NXPE3: variants seen among roughly 807,000 people sequenced by gnomAD.
NXPE3 encodes the protein NXPE family member 3.
NXPE3 carries 26 observed loss-of-function variants against 46.1 expected under a neutral mutation model. The ratio of observed to expected loss-of-function variants is 0.56; its 90% CI spans 0.41 to 0.78. The LOEUF is 0.78. Among genes scored for constraint, NXPE3 ranks in the 30% least tolerant of loss-of-function variants. The pLI, the probability that NXPE3 is intolerant of heterozygous loss-of-function variation, is 0.00. For synonymous variants in NXPE3, 272 were observed against 257.9 expected (o/e 1.05, Z -0.52); for missense variants, 620 against 686.0 (o/e 0.90, Z 1.07).
intron 4 of NXPE3, among the ~76,000 whole-genome samples, chr3:101,800,970 C>T (rs1941107646): frequency 6.6e-6 from 1 of 152,034 alleles, no homozygotes; most frequent in South Asian, 2.1e-4. Flanking sequence ...GATAAAACTC[C>T]AATAGGCTAG....
Position 101,822,163 on chromosome 3 carries a change from C to T in NXPE3, c.*209C>T, listed in dbSNP as rs1458373020. On this transcript the variant is annotated 3_prime_UTR_variant, in exon 8 of 8. Transcript: ENST00000273347. The stretch of plus-strand genomic sequence containing the variant: ...AGGATTTTATCCAATGTTGACTTAG[C>T]CATGGTAGAACTCTTAACTGCATCT... 6 of 496,006 alleles carry T rather than the reference C, an allele frequency of 1.2e-5. No individual in the cohort carries two copies. The highest frequency in any genetic ancestry group is 3.9e-5 in the African/African-American group (2 of 51,902). The allele number at this position is 496,006 out of a possible 1,614,324, so 30.7% of individuals were successfully genotyped here. A position where few individuals can be genotyped will look rare whatever the true frequency, so the allele number is the denominator to read the frequency against.
At position 101,782,958 on chromosome 3, in the gene NXPE3, C is replaced by G. The variant is rs189513612; in HGVS notation, c.-196+178C>G. On this transcript the variant is annotated intron_variant, in intron 3 of 7. Coordinates refer to ENST00000273347, the MANE Select transcript of NXPE3 (RefSeq NM_145037.4). ...CCACCATGCCTGGCCCAGCTTTATTCTTTGTATTTGTGATTTTTATTTCCT... is the reference window on the plus strand; with the variant it reads ...CCACCATGCCTGGCCCAGCTTTATTGTTTGTATTTGTGATTTTTATTTCCT... 1.8e-3 allele frequency among the ~76,000 whole-genome samples: 276 copies of G among 152,170 alleles called. 4 individuals carry two copies. Among genetic ancestry groups the G allele is most frequent in the African/African-American group, 6.5e-3 (270 of 41,528 alleles).
At chr3:101,809,844 T>G (rs1334740036) in intron 6 of NXPE3, among the ~76,000 whole-genome samples, 1 of 152,200 alleles carries the variant, frequency 6.6e-6, no homozygotes, top group Non-Finnish European at 1.5e-5. Context: ...TTTGAGCACT[T>G]CCTTAGTTTC....
At chr3:101,805,686 C>T (rs967849227) in intron 5 of NXPE3, among the ~76,000 whole-genome samples, 9 of 152,076 alleles carry the variant, frequency 5.9e-5, no homozygotes, top group African/African-American at 2.2e-4. Context: ...GGATATCTGC[C>T]CGTCTTGGCC....
Position 101,801,653 on chromosome 3 carries a change from T to C in NXPE3, c.512T>C (p.Val171Ala). 1 of 1,614,198 alleles carries C rather than the reference T, an allele frequency of 6.2e-7. No homozygotes were observed. Among genetic ancestry groups the C allele is most frequent in the Non-Finnish European group, 8.5e-7 (1 of 1,180,024 alleles). Residue 171 changes from valine to alanine, a missense_variant, in exon 5 of 8, where the codon GTT (valine) becomes GCT (alanine). Around this residue, in one of 3 missense-constraint regions of NXPE3, gnomAD observed 511 missense variants for 528.6 expected, o/e 0.97. Transcript: ENST00000273347. ...VVDYQNGFYK[V>A]FFTLLWPGKV... The stretch of plus-strand genomic sequence containing the variant: ...GATTACCAGAATGGGTTTTACAAGG[T>C]TTTCTTTACTTTGCTATGGCCAGGC...
At chr3:101,816,712 T>C in intron 6 of NXPE3, 83 bp from the exon 7 acceptor site, 1 of 1,033,748 alleles carries the variant, frequency 9.7e-7, no homozygotes, top group Non-Finnish European at 1.4e-6. Context: ...AACAAATACA[T>C]GGGCATAATT....
chr3:101,780,432 G>T (rs1939747761), intron 1 of NXPE3, among the ~76,000 whole-genome samples: 1 of 152,144 alleles, frequency 6.6e-6, no homozygotes, highest in East Asian at 1.9e-4. Context: ...GTCCTGACCT[G>T]ACAATTTAAG....
intron 4 of NXPE3, among the ~76,000 whole-genome samples, chr3:101,798,888 AG>A (rs1940991620): frequency 6.6e-6 from 1 of 152,004 alleles, no homozygotes; most frequent in South Asian, 2.1e-4. Flanking sequence ...CCAAAGTGCT[AG>A]GATTACAGGC....
chr3:101,802,712 G>A (rs1217707199), intron 5 of NXPE3, among the ~76,000 whole-genome samples: 1 of 151,882 alleles, frequency 6.6e-6, no homozygotes, highest in African/African-American at 2.4e-5. Context: ...GCAGTATTGT[G>A]TTCAAATTTC....
chr3:101,816,370 C>T (rs934031372), intron 6 of NXPE3, among the ~76,000 whole-genome samples: 3 of 151,914 alleles, frequency 2.0e-5, no homozygotes, highest in African/African-American at 4.8e-5. Flanking sequence ...ACCTGTCAAC[C>T]CATCATCTAG....
rs925082071 is a variant in NXPE3, at chr3:101,787,308, T to G, written c.93+1619T>G. On this transcript the variant is annotated intron_variant, in intron 4 of 7. Transcript: ENST00000273347. The stretch of plus-strand genomic sequence containing the variant: ...AATCATATGATATTTGTCCTTTTTT[T>G]GTTTGTTTGTTTGTTTGAGACAGAG... Among the ~76,000 whole-genome samples, 4 of 152,274 alleles carry G rather than the reference T, an allele frequency of 2.6e-5. No homozygotes were observed. In the East Asian group the frequency reaches 7.7e-4, roughly 29 times the overall value.
rs541186867 is a variant in NXPE3 at position 101,790,792 on chromosome 3, C to T, written c.93+5103C>T. Among the ~76,000 whole-genome samples, 7 of 152,000 alleles carry T rather than the reference C, an allele frequency of 4.6e-5. No individual in the cohort carries two copies. In the East Asian group the frequency reaches 7.7e-4, roughly 17 times the overall value. ...TATTTTCTTTTTAGATACGGGGTTT[C>T]GCCACATTGCCCAGGCTGGTCTTGC... On this transcript the variant is annotated intron_variant, in intron 4 of 7. Transcript: ENST00000273347.
rs151220139 is a variant in NXPE3, at chr3:101,779,238, G to C, written c.-584G>C. 1 of 152,272 alleles carries C rather than the reference G, an allele frequency of 6.6e-6. No homozygotes were observed. The highest frequency in any genetic ancestry group is 2.4e-5 in the African/African-American group (1 of 41,434). The allele number at this position is 152,272 out of a possible 1,614,324, so 9.4% of individuals were successfully genotyped here. A position where few individuals can be genotyped will look rare whatever the true frequency, so the allele number is the denominator to read the frequency against. On this transcript the variant is annotated 5_prime_UTR_variant, in exon 1 of 8. Transcript: ENST00000273347. ...GGAGACGTCGCCGGGTGAGGAAGCG[G>C]GGGGCTAGCGGCCTGGCGCTGCGGC...
In NXPE3 at chr3:101,806,690, A is replaced by G. The variant is rs140035972; in HGVS notation, c.849-363A>G. ...TGATACATGACTTAATGCAGCGTATACTTGCAGCCTGAAAACTAAGTAATG... is the reference window on the plus strand; with the variant it reads ...TGATACATGACTTAATGCAGCGTATGCTTGCAGCCTGAAAACTAAGTAATG... On this transcript the variant is annotated intron_variant, in intron 5 of 7. Transcript: ENST00000273347. Among the ~76,000 whole-genome samples, 864 of 152,316 alleles carry G rather than the reference A, an allele frequency of 5.7e-3. 8 individuals carry two copies. The highest frequency in any genetic ancestry group is 0.02 in the African/African-American group (830 of 41,560).
At chr3:101,786,379 T>C (rs1236718781) in intron 4 of NXPE3, among the ~76,000 whole-genome samples, 1 of 152,246 alleles carries the variant, frequency 6.6e-6, no homozygotes, top group Non-Finnish European at 1.5e-5. Context: ...TTGGGTTTTA[T>C]TAGCCTAAGG....
At chr3:101,809,566 C>G (rs749245862) in intron 6 of NXPE3, among the ~76,000 whole-genome samples, 10 of 152,140 alleles carry the variant, frequency 6.6e-5, no homozygotes, top group South Asian at 4.1e-4. Flanking sequence ...TTTAATGTCT[C>G]TCATTCTTTC....
Position 101,797,219 on chromosome 3 carries a change from G to T in NXPE3, c.94-4016G>T, listed in dbSNP as rs549290326. Among the ~76,000 whole-genome samples, 19 of 151,942 alleles carry T rather than the reference G, an allele frequency of 1.3e-4. 1 individual carries two copies. The highest frequency in any genetic ancestry group is 4.6e-4 in the African/African-American group (19 of 41,418). ...GTAGTTGCTTATTTTTAATTATTTG[G>T]GTAGTTAGCACTAATTATACATTAC... On this transcript the variant is annotated intron_variant, in intron 4 of 7. Coordinates refer to ENST00000273347, the MANE Select transcript of NXPE3 (RefSeq NM_145037.4).
intron 4 of NXPE3, among the ~76,000 whole-genome samples, chr3:101,799,531 G>A (rs1375889868): frequency 6.6e-6 from 1 of 151,804 alleles, no homozygotes; most frequent in African/African-American, 2.4e-5. Context: ...GGTTCAAGCA[G>A]TTCTCTCCCT....
intron 4 of NXPE3, among the ~76,000 whole-genome samples, chr3:101,794,820 T>C (rs142223966): frequency 6.6e-6 from 1 of 152,368 alleles, no homozygotes; most frequent in East Asian, 1.9e-4. Context: ...TGTTCTACTT[T>C]AGTTCTTGGA....
Sources: gnomAD v4.1 joint callset for allele counts (sites outside exome capture counted in the v4.1 genomes callset) on GRCh38, gnomAD v4.1.1 for gene constraint, gnomAD v4.1.1 regional missense constraint, MANE v1.5 for transcripts, NCBI Gene and HGNC (gene_info 2026-07-23, HGNC 2026-07-21) for gene names.